Variants in SPMAP2L observed in about 807,000 individuals in gnomAD.
The protein encoded by SPMAP2L is sperm microtubule associated protein 2-like.
chr4:56,593,487 A>G, the SPMAP2L span: 1 of 1,597,528 alleles, frequency 6.3e-7, no homozygotes. Context: ...ACTTTACGGA[A>G]CTCGTGGAGA....
the SPMAP2L span, among the ~76,000 whole-genome samples, chr4:56,602,735 T>G: frequency 6.6e-6 from 1 of 152,106 alleles, no homozygotes; most frequent in Admixed American, 6.6e-5. Flanking sequence ...AAGAGAAGAA[T>G]ATGATCAAGT....
the SPMAP2L span, chr4:56,593,584 G>T: frequency 7.5e-6 from 12 of 1,603,334 alleles, no homozygotes; most frequent in Non-Finnish European, 1.0e-5. Context: ...GAGAATTTGG[G>T]GTAGACATCG....
chr4:56,606,518 A>T, the SPMAP2L span, among the ~76,000 whole-genome samples: 21 of 139,642 alleles, frequency 1.5e-4, no homozygotes, highest in South Asian at 4.8e-3. Flanking sequence ...TTTTTCTCCT[A>T]CTACCTGTGT....
chr4:56,558,052 T>C, the SPMAP2L span, among the ~76,000 whole-genome samples: 1 of 152,066 alleles, frequency 6.6e-6, no homozygotes, highest in Non-Finnish European at 1.5e-5. Context: ...GACTGCAATC[T>C]CCACCTCCCA....
the SPMAP2L span, among the ~76,000 whole-genome samples, chr4:56,618,791 T>A: frequency 1.3e-5 from 2 of 152,332 alleles, no homozygotes; most frequent in East Asian, 3.9e-4. Flanking sequence ...TGATTGATAA[T>A]GCCAAAGCAG....
the SPMAP2L span, chr4:56,593,970 T>C: frequency 1.2e-6 from 2 of 1,609,588 alleles, no homozygotes; most frequent in African/African-American, 1.3e-5. Context: ...TTTGATACCT[T>C]GAAGATTCAG....
chr4:56,531,222 C>A, the SPMAP2L span: 3 of 1,476,602 alleles, frequency 2.0e-6, no homozygotes, highest in Non-Finnish European at 2.7e-6. Flanking sequence ...TCCCCTCATT[C>A]CCCACGCGCT....
chr4:56,551,050 G>A, the SPMAP2L span, among the ~76,000 whole-genome samples: 1 of 151,972 alleles, frequency 6.6e-6, no homozygotes, highest in Non-Finnish European at 1.5e-5. Flanking sequence ...TCCTCCCACG[G>A]TGCATCAATC....
the SPMAP2L span, among the ~76,000 whole-genome samples, chr4:56,617,721 G>T: frequency 6.6e-6 from 1 of 152,204 alleles, no homozygotes; most frequent in Non-Finnish European, 1.5e-5. Flanking sequence ...CAAGGACAGA[G>T]GGATTTTTGT....
At chr4:56,598,516 G>T in the SPMAP2L span, among the ~76,000 whole-genome samples, 1 of 152,094 alleles carries the variant, frequency 6.6e-6, no homozygotes, top group African/African-American at 2.4e-5. Flanking sequence ...CCTGGCCAGG[G>T]AAGATCTCCT....
chr4:56,619,168 A>G, the SPMAP2L span, among the ~76,000 whole-genome samples: 1,429 of 152,338 alleles, frequency 9.4e-3, 21 homozygotes, highest in African/African-American at 0.03. Context: ...GTGATAATAT[A>G]CTGCAATAAA....
At chr4:56,599,415 G>C in the SPMAP2L span, among the ~76,000 whole-genome samples, 2 of 151,960 alleles carry the variant, frequency 1.3e-5, no homozygotes, top group Non-Finnish European at 2.9e-5. Context: ...TAAGTTCCAG[G>C]ATACATGTGC....
the SPMAP2L span, among the ~76,000 whole-genome samples, chr4:56,542,854 A>G: frequency 2.0e-5 from 3 of 152,260 alleles, no homozygotes; most frequent in Non-Finnish European, 4.4e-5. Context: ...AGATGGTTTC[A>G]ACAACCAGTC....
chr4:56,589,639 G>A, the SPMAP2L span, among the ~76,000 whole-genome samples: 2 of 151,396 alleles, frequency 1.3e-5, no homozygotes, highest in Non-Finnish European at 2.9e-5. Context: ...TCTTTGTAGA[G>A]GTCTTTTGAC....
the SPMAP2L span, among the ~76,000 whole-genome samples, chr4:56,537,174 T>C: frequency 1.3e-5 from 2 of 152,218 alleles, no homozygotes; most frequent in Admixed American, 1.3e-4. Context: ...AGCATCCACC[T>C]GACTGTTTCT....
the SPMAP2L span, among the ~76,000 whole-genome samples, chr4:56,547,582 CCTAT>C: frequency 6.6e-6 from 1 of 152,166 alleles, no homozygotes; most frequent in South Asian, 2.1e-4. Flanking sequence ...TATTAATCCT[CCTAT>C]CTGAGAAGGG....
At chr4:56,556,722 A>T in the SPMAP2L span, among the ~76,000 whole-genome samples, 2 of 152,026 alleles carry the variant, frequency 1.3e-5, no homozygotes, top group Non-Finnish European at 2.9e-5. Flanking sequence ...AAATACAAAA[A>T]ATTAGCCAGG....
chr4:56,571,921 C>T, the SPMAP2L span, among the ~76,000 whole-genome samples: 3 of 152,282 alleles, frequency 2.0e-5, no homozygotes, highest in Admixed American at 2.0e-4. Flanking sequence ...TCCACCTCCA[C>T]ATCTTGTCTC....
chr4:56,605,835 G>A, the SPMAP2L span, among the ~76,000 whole-genome samples: 14 of 152,268 alleles, frequency 9.2e-5, no homozygotes, highest in Admixed American at 2.6e-4. Flanking sequence ...CCTTGAGTTC[G>A]TGTCCGGCAT....
Sources: gnomAD v4.1 joint callset for allele counts (sites outside exome capture counted in the v4.1 genomes callset) on GRCh38, gnomAD v4.1.1 for gene constraint, MANE v1.5 for transcripts, NCBI Gene and HGNC (gene_info 2026-07-23, HGNC 2026-07-21) for gene names.